WDR43: variants seen among roughly 807,000 people sequenced by gnomAD.
WDR43 encodes the protein WD repeat domain 43, also known as WD repeat-containing protein 43.
A neutral mutation model predicts 91.4 loss-of-function variants in WDR43; 13 were observed. The ratio of observed to expected loss-of-function variants is 0.14; its 90% CI spans 0.09 to 0.23. The LOEUF (loss-of-function observed/expected upper bound fraction) is 0.23. Among genes scored for constraint, WDR43 ranks in the 10% least tolerant of loss-of-function variants. The probability of loss-of-function intolerance (pLI) is 1.00; values close to 1 mark genes in which losing one functional copy is unlikely to be tolerated. For missense variants in WDR43, 780 were observed against 809.4 expected, an observed-to-expected ratio of 0.96 and a Z score of 0.44; for synonymous variants, 331 against 287.9, an observed-to-expected ratio of 1.15 and a Z score of -1.51.
At chr2:28,918,524 A>T (rs1394384851) in intron 6 of WDR43, among the ~76,000 whole-genome samples, 1 of 151,944 alleles carries the variant, frequency 6.6e-6, no homozygotes, top group Non-Finnish European at 1.5e-5. Context: ...ATGTGCCACC[A>T]TGCCTGGCTA....
chr2:28,936,801 C>T (rs575245818), intron 12 of WDR43, 121 bp from the exon 13 acceptor site: 79 of 877,020 alleles, frequency 9.0e-5, no homozygotes, highest in Admixed American at 2.6e-4. Flanking sequence ...CTGTATTATG[C>T]GGTTTAAAAT....
intron 1 of WDR43, among the ~76,000 whole-genome samples, chr2:28,898,033 A>G (rs1362349111): frequency 5.3e-5 from 8 of 152,342 alleles, no homozygotes; most frequent in Admixed American, 1.3e-4. Flanking sequence ...TGAGGCAGAA[A>G]TGTTAATTAT....
chr2:28,929,756 C>G (rs1558380177), intron 11 of WDR43, 46 bp downstream of exon 11: 1 of 1,570,378 alleles, frequency 6.4e-7, no homozygotes, highest in South Asian at 1.1e-5. Flanking sequence ...GTTAATATTT[C>G]TTAGAAAATG....
rs1166160350 is a variant in WDR43 at position 28,942,336 on chromosome 2, G to A, written c.1759G>A (p.Gly587Arg). 5.6e-6 allele frequency: 9 copies of A among 1,613,376 alleles called. No homozygotes were observed. Among genetic ancestry groups the A allele is most frequent in the Non-Finnish European group, 6.8e-6 (8 of 1,179,658 alleles). Residue 587 changes from glycine (G) to arginine (R), a missense_variant, in exon 16 of 18, where the codon GGA (glycine) becomes AGA (arginine). This residue lies in a region of WDR43 where 426 missense variants were observed against 467.8 expected (regional missense o/e 0.91). Transcript: ENST00000407426. ...GGTAACAGCATCAGAGAAGACAAAG[G>A]GAGCAACTTCCCCTGGACAGAAGGC... is the stretch of plus-strand genomic sequence containing the variant. The part of the protein sequence containing the change: ...TQVTASEKTK[G>R]ATSPGQKAKL...
chr2:28,941,697 C>A, intron 15 of WDR43, 123 bp downstream of exon 15: 1 of 707,132 alleles, frequency 1.4e-6, no homozygotes, highest in Non-Finnish European at 2.4e-6. Context: ...GTAGCATGAT[C>A]ATAGCTCACT....
intron 1 of WDR43, among the ~76,000 whole-genome samples, chr2:28,900,092 A>G (rs1670551366): frequency 6.6e-6 from 1 of 152,210 alleles, no homozygotes; most frequent in African/African-American, 2.4e-5. Context: ...AAGCATACGC[A>G]TATTTGGACC....
At position 28,941,514 on chromosome 2, in the gene WDR43, A is replaced by G. The variant is rs530635435; in HGVS notation, c.1674A>G (p.Arg558=). 36 of 1,613,790 alleles carry G rather than the reference A, an allele frequency of 2.2e-5. No homozygotes were observed. The African/African-American group carries it at 4.1e-4, about 19-fold the overall frequency. ...CACTCTACCAGTTAATGGAAAGCAG[A>G]GTCAAAACTTTTCAGAAACTTTCAC... The part of the protein sequence containing the change: ...LGTLYQLMES[R]VKTFQKLSHL... The change falls in exon 15 of 18, where the codon AGA becomes AGG. Residue 558 remains arginine, a synonymous_variant. Coordinates refer to ENST00000407426, the MANE Select transcript of WDR43 (RefSeq NM_015131.3).
intron 6 of WDR43, among the ~76,000 whole-genome samples, chr2:28,919,025 G>T (rs1670969899): frequency 1.3e-5 from 2 of 152,102 alleles, no homozygotes; most frequent in South Asian, 4.2e-4. Context: ...TTTCTGGCTG[G>T]GTGTGGTGGA....
At chr2:28,902,538 G>A (rs1177687190) in intron 2 of WDR43, among the ~76,000 whole-genome samples, 1 of 152,208 alleles carries the variant, frequency 6.6e-6, no homozygotes, top group Non-Finnish European at 1.5e-5. Flanking sequence ...GCATGGGATC[G>A]AGACTTCAAA....
intron 12 of WDR43, among the ~76,000 whole-genome samples, chr2:28,936,355 T>TA (rs1671337278): frequency 6.6e-6 from 1 of 152,184 alleles, no homozygotes; most frequent in Admixed American, 6.5e-5. Flanking sequence ...CAAGTATAGT[T>TA]ACGGTATTAA....
intron 2 of WDR43, among the ~76,000 whole-genome samples, chr2:28,902,854 A>T (rs1670601457): frequency 6.6e-6 from 1 of 152,190 alleles, no homozygotes; most frequent in Non-Finnish European, 1.5e-5. Flanking sequence ...CAGTAACCGA[A>T]CTGGTCTAGT....
chr2:28,911,632 A>G (rs980930906), intron 3 of WDR43, among the ~76,000 whole-genome samples: 1 of 139,680 alleles, frequency 7.2e-6, no homozygotes, highest in Admixed American at 7.2e-5. Context: ...TCCTACTGTT[A>G]CTTGCCTTTT....
chr2:28,902,568 T>C (rs1263981927), intron 2 of WDR43, among the ~76,000 whole-genome samples: 1 of 152,226 alleles, frequency 6.6e-6, no homozygotes, highest in African/African-American at 2.4e-5. Flanking sequence ...AGGCTCCAGC[T>C]GCCTGGTGCT....
chr2:28,947,614 G>C lies in WDR43; in HGVS notation c.*835G>C, dbSNP rs919819329. 1 of 151,806 alleles carries C rather than the reference G, an allele frequency of 6.6e-6. No individual in the cohort carries two copies. The highest frequency in any genetic ancestry group is 2.4e-5 in the African/African-American group (1 of 41,340). 9.4% of individuals were successfully genotyped at this position (151,806 alleles called of 1,614,324 possible). On this transcript the variant is annotated 3_prime_UTR_variant, in exon 18 of 18. Transcript: ENST00000407426. ...TTCCATTTTTATTTAAATTACTAAT[G>C]GATCAAAGAACAATTGTTTATTTTT...
chr2:28,909,410 G>A (rs1023055615), intron 3 of WDR43, among the ~76,000 whole-genome samples: 2 of 152,148 alleles, frequency 1.3e-5, no homozygotes, highest in African/African-American at 4.8e-5. Context: ...TGGGATTACA[G>A]GTGTGAGCTA....
Position 28,901,851 on chromosome 2 carries a change from G to A in WDR43, c.226-136G>A, listed in dbSNP as rs1670582567. 6 of 848,844 alleles carry A rather than the reference G, an allele frequency of 7.1e-6. No homozygotes were observed. The South Asian group carries it at 1.0e-4, about 15-fold the overall frequency. The allele number at this position is 848,844 out of a possible 1,614,324, so 52.6% of individuals were successfully genotyped here. A position where few individuals can be genotyped will look rare whatever the true frequency, so the allele number is the denominator to read the frequency against. On this transcript the variant is annotated intron_variant, in intron 1 of 17. Coordinates refer to ENST00000407426, the MANE Select transcript of WDR43 (RefSeq NM_015131.3). ...GGATTTCTTTTTGAAGTAGTGAGAA[G>A]TAAATCACCCAATAGCTTCTCTCTT...
At chr2:28,895,056 G>T (rs1670450107) in intron 1 of WDR43, 133 bp downstream of exon 1, 1 of 922,058 alleles carries the variant, frequency 1.1e-6, no homozygotes, top group Non-Finnish European at 1.4e-6. Context: ...AGGCGGCGTC[G>T]GCGCGTTCAG....
At chr2:28,906,734 A>G (rs989313101) in intron 3 of WDR43, among the ~76,000 whole-genome samples, 153 bp downstream of exon 3, 5 of 152,224 alleles carry the variant, frequency 3.3e-5, no homozygotes, top group African/African-American at 1.2e-4. Flanking sequence ...AAATACTAAA[A>G]CACATAAAAT....
intron 15 of WDR43, among the ~76,000 whole-genome samples, 155 bp from the exon 16 acceptor site, chr2:28,942,157 A>G (rs528424971): frequency 7.9e-5 from 12 of 152,260 alleles, no homozygotes; most frequent in African/African-American, 2.9e-4. Flanking sequence ...TTGTATTTGA[A>G]GGACTTTTTT....
Sources: allele counts gnomAD v4.1 joint callset (sites outside exome capture counted in the v4.1 genomes callset), GRCh38; gene constraint gnomAD v4.1.1; regional missense constraint gnomAD v4.1.1; transcripts MANE v1.5; gene names NCBI Gene and HGNC (gene_info 2026-07-23, HGNC 2026-07-21).